The following CACNA1D variants were observed in gnomAD, a reference collection of about 807,000 sequenced individuals.
CACNA1D encodes the protein voltage-dependent L-type calcium channel subunit alpha-1D.
In CACNA1D, 55 loss-of-function variants were observed where a neutral mutation model predicts 257.1. That is an observed-to-expected ratio of 0.21 (90% confidence interval 0.17 to 0.27). The LOEUF (loss-of-function observed/expected upper bound fraction) is 0.27. Among genes scored for constraint, CACNA1D ranks in the 10% least tolerant of loss-of-function variants. CACNA1D has a pLI of 1.00. For synonymous variants in CACNA1D, 980 were observed against 1,014.9 expected (o/e 0.97, Z 0.65); for missense variants, 1,876 against 2,784.0 (o/e 0.67, Z 7.34).
At chr3:53,615,367 T>C (rs902833990) in intron 3 of CACNA1D, among the ~76,000 whole-genome samples, 1 of 152,216 alleles carries the variant, frequency 6.6e-6, no homozygotes, top group Non-Finnish European at 1.5e-5. Context: ...TTGCCTAGAT[T>C]GGGTAGAAGC....
At chr3:53,597,698 C>G (rs61301745) in intron 3 of CACNA1D, among the ~76,000 whole-genome samples, 2,670 of 152,238 alleles carry the variant, frequency 0.018, 78 homozygotes, top group African/African-American at 0.061. Context: ...CGGCACAGGT[C>G]GCTTCATGAG....
At chr3:53,684,360 A>T (rs541421184) in intron 8 of CACNA1D, among the ~76,000 whole-genome samples, 1 of 152,246 alleles carries the variant, frequency 6.6e-6, no homozygotes, top group Non-Finnish European at 1.5e-5. Flanking sequence ...GGTGGCTTAC[A>T]CCTCTAATCC....
At chr3:53,803,605 G>A in intron 44 of CACNA1D, 33 bp downstream of exon 44, 1 of 1,609,796 alleles carries the variant, frequency 6.2e-7, no homozygotes, top group Non-Finnish European at 8.5e-7. Context: ...GAGAGCGGGA[G>A]GCCGCCCTGC....
chr3:53,662,928 T>C (rs1401494), intron 5 of CACNA1D, among the ~76,000 whole-genome samples: 99,111 of 152,144 alleles, frequency 0.65, 34,158 homozygotes, highest in African/African-American at 0.88. Context: ...ACCAAAACAA[T>C]GATAGAAACC....
At chr3:53,743,296 G>T (rs567992341) in intron 22 of CACNA1D, among the ~76,000 whole-genome samples, 179 bp downstream of exon 22, 52 of 152,220 alleles carry the variant, frequency 3.4e-4, no homozygotes, top group East Asian at 5.8e-4. Context: ...GTGTGTGTGT[G>T]TTTTTTTCTT....
intron 3 of CACNA1D, among the ~76,000 whole-genome samples, chr3:53,639,074 T>C (rs1242799882): frequency 2.0e-5 from 3 of 152,232 alleles, no homozygotes; most frequent in Non-Finnish European, 4.4e-5. Context: ...GTTTGTATTG[T>C]TCACGTTGAC....
At chr3:53,601,674 T>C (rs930970510) in intron 3 of CACNA1D, among the ~76,000 whole-genome samples, 5 of 152,180 alleles carry the variant, frequency 3.3e-5, no homozygotes, top group African/African-American at 7.2e-5. Flanking sequence ...ACAATAATGA[T>C]AATAATCATG....
At chr3:53,655,296 A>G (rs1210980448) in intron 4 of CACNA1D, among the ~76,000 whole-genome samples, 2 of 152,040 alleles carry the variant, frequency 1.3e-5, no homozygotes, top group Non-Finnish European at 2.9e-5. Flanking sequence ...ATGTGTCTTT[A>G]TGGTAGAATG....
intron 3 of CACNA1D, among the ~76,000 whole-genome samples, chr3:53,529,618 A>T (rs2091881211): frequency 6.6e-6 from 1 of 152,298 alleles, no homozygotes. Flanking sequence ...AAAGAGTTAG[A>T]ATTATTTTAA....
chr3:53,571,941 C>T (rs527439717), intron 3 of CACNA1D, among the ~76,000 whole-genome samples: 3 of 152,276 alleles, frequency 2.0e-5, no homozygotes, highest in African/African-American at 4.8e-5. Context: ...TGACCCTCAG[C>T]GATTGGACTC....
At chr3:53,772,760 G>A (rs1576621894) in intron 32 of CACNA1D, 73 bp from the exon 33 acceptor site, 1 of 1,077,298 alleles carries the variant, frequency 9.3e-7, no homozygotes, top group Non-Finnish European at 1.4e-6. Context: ...CCACTCATGG[G>A]TCTTCTCAGG....
chr3:53,526,664 C>T (rs865848502), intron 3 of CACNA1D, among the ~76,000 whole-genome samples: 1 of 152,200 alleles, frequency 6.6e-6, no homozygotes, highest in Non-Finnish European at 1.5e-5. Flanking sequence ...CTTAATCTTT[C>T]TGAGGTTTTG....
At chr3:53,650,157 A>T (rs2094074004) in intron 3 of CACNA1D, among the ~76,000 whole-genome samples, 1 of 152,242 alleles carries the variant, frequency 6.6e-6, no homozygotes. Context: ...GCATGCCAAT[A>T]AGCAGGCAGG....
At chr3:53,575,261 G>A (rs780274985) in intron 3 of CACNA1D, among the ~76,000 whole-genome samples, 1 of 152,194 alleles carries the variant, frequency 6.6e-6, no homozygotes, top group Non-Finnish European at 1.5e-5. Context: ...CTTGCTCTGT[G>A]GGATGAGAAT....
intron 9 of CACNA1D, among the ~76,000 whole-genome samples, chr3:53,712,538 G>GTGCCTT (rs1221695820): frequency 6.6e-6 from 1 of 152,194 alleles, no homozygotes; most frequent in Non-Finnish European, 1.5e-5. Flanking sequence ...GCATGTGCAT[G>GTGCCTT]TGCCTTTAGG....
At chr3:53,532,565 T>C (rs1056811592) in intron 3 of CACNA1D, among the ~76,000 whole-genome samples, 1 of 152,250 alleles carries the variant, frequency 6.6e-6, no homozygotes, top group Non-Finnish European at 1.5e-5. Context: ...AAGCACTTTT[T>C]GGTGGTACTG....
intron 3 of CACNA1D, 101 bp from the exon 4 acceptor site, chr3:53,650,678 T>C (rs1290111859): frequency 3.0e-5 from 36 of 1,211,836 alleles, no homozygotes; most frequent in Non-Finnish European, 4.1e-5. Context: ...GGGAAATGCT[T>C]ATATGTCTAA....
rs186610577 is a variant in CACNA1D at position 53,512,385 on chromosome 3, T to A, written c.483+10665T>A. ...GAGAAAGCTTTGGCGTGTTTTAGGTTGGCCAAATGAATCAGTTAATTGATG... is the reference window on the plus strand; with the variant it reads ...GAGAAAGCTTTGGCGTGTTTTAGGTAGGCCAAATGAATCAGTTAATTGATG... On this transcript the variant is annotated intron_variant, in intron 3 of 47. Coordinates refer to ENST00000350061, the MANE Select transcript of CACNA1D (RefSeq NM_001128840.3). Among the ~76,000 whole-genome samples the A allele has an allele frequency of 3.4e-3, 516 of 152,322 alleles. 1 individual carries two copies. Among genetic ancestry groups the A allele is most frequent in the Non-Finnish European group, 5.6e-3 (384 of 68,028 alleles).
intron 8 of CACNA1D, among the ~76,000 whole-genome samples, chr3:53,691,570 C>G (rs1193812304): frequency 1.3e-5 from 2 of 149,304 alleles, no homozygotes; most frequent in African/African-American, 2.5e-5. Flanking sequence ...GAGAGAGAAG[C>G]TCTTCTATCC....
Sources: allele counts gnomAD v4.1 joint callset (sites outside exome capture counted in the v4.1 genomes callset), GRCh38; gene constraint gnomAD v4.1.1; transcripts MANE v1.5; gene names NCBI Gene and HGNC (gene_info 2026-07-23, HGNC 2026-07-21).